The following TARBP1 variants were observed in gnomAD, a reference collection of about 807,000 sequenced individuals.
The protein encoded by TARBP1 is tRNA guanosine 2 -O-methyltransferase TARBP1, also known as tRNA (guanosine(18)-2'-O)-methyltransferase TARBP1.
TARBP1 carries 144 observed loss-of-function variants against 178.6 expected under a neutral mutation model. The observed-to-expected ratio is 0.81, with a 90% confidence interval of 0.70 to 0.93. The LOEUF (loss-of-function observed/expected upper bound fraction) is 0.93. Among genes scored for constraint, TARBP1 ranks in the 40% least tolerant of loss-of-function variants. The probability of loss-of-function intolerance (pLI) is 0.00; values close to 1 mark genes in which losing one functional copy is unlikely to be tolerated. For missense variants in TARBP1, 2,067 were observed against 2,011.7 expected (o/e 1.03, Z -0.53); for synonymous variants, 787 against 781.0 (o/e 1.01, Z -0.13).
chr1:234,478,884 G>A lies in TARBP1; in HGVS notation c.220C>T (p.Arg74Trp), dbSNP rs1669855089. The change falls in exon 1 of 30, where the codon CGG becomes TGG. Residue 74 changes from arginine to tryptophan, a missense_variant. By Grantham distance (101) the Arg-to-Trp change is moderately radical. Transcript: ENST00000040877. ...VAAGYLVPLL[R>W]SLRGRPAGGP... ...CCCGCGGGGCGTCCGCGCAGGCTCC[G>A]CAGCAGTGGCACGAGGTACCCTGCA... 1.5e-6 allele frequency: 2 copies of A among 1,350,310 alleles called. No homozygotes were observed. The highest frequency in any genetic ancestry group is 1.9e-6 in the Non-Finnish European group (2 of 1,057,490). 83.6% of individuals were successfully genotyped at this position (1,350,310 alleles called of 1,614,324 possible).
chr1:234,435,279 G>A (rs746536794), intron 13 of TARBP1, among the ~76,000 whole-genome samples: 13 of 152,086 alleles, frequency 8.5e-5, no homozygotes, highest in East Asian at 5.8e-4. Context: ...GTGAAACTCC[G>A]TCTCTACTAA....
chr1:234,471,900 T>C (rs1441886472), intron 2 of TARBP1, among the ~76,000 whole-genome samples: 1 of 152,232 alleles, frequency 6.6e-6, no homozygotes, highest in Non-Finnish European at 1.5e-5. Context: ...CAAGGTTTGG[T>C]GCACATTTGG....
At chr1:234,472,513 T>G (rs543238643) in intron 2 of TARBP1, among the ~76,000 whole-genome samples, 1 of 152,216 alleles carries the variant, frequency 6.6e-6, no homozygotes, top group African/African-American at 2.4e-5. Context: ...TTTTGAATAA[T>G]TTGTCAACTG....
intron 22 of TARBP1, among the ~76,000 whole-genome samples, chr1:234,412,853 C>T (rs1661995291): frequency 6.6e-6 from 1 of 152,112 alleles, no homozygotes; most frequent in African/African-American, 2.4e-5. Context: ...TCAACCAACC[C>T]TCCCTACATA....
intron 17 of TARBP1, among the ~76,000 whole-genome samples, chr1:234,428,474 T>C (rs774479179): frequency 6.6e-6 from 1 of 152,168 alleles, no homozygotes; most frequent in Non-Finnish European, 1.5e-5. Flanking sequence ...ATCAATTACA[T>C]TGTCATGGAA....
intron 3 of TARBP1, among the ~76,000 whole-genome samples, chr1:234,469,046 GTTGCGGTTTTTGCCTTTTTTTTTTTT>G (rs1668758588): frequency 8.7e-6 from 1 of 115,060 alleles, no homozygotes; most frequent in Non-Finnish European, 1.7e-5. Context: ...TGCGAAAGTC[GTTGCGGTTTTTGCCTTTTTTTTTTTT>G]TTTTTAAAAA....
At chr1:234,413,877 A>G (rs1384938021) in intron 22 of TARBP1, among the ~76,000 whole-genome samples, 1 of 152,208 alleles carries the variant, frequency 6.6e-6, no homozygotes, top group Non-Finnish European at 1.5e-5. Flanking sequence ...TCAGGCAGAA[A>G]GATCAGGACC....
At chr1:234,467,244 C>T (rs1668535590) in intron 4 of TARBP1, among the ~76,000 whole-genome samples, 2 of 152,158 alleles carry the variant, frequency 1.3e-5, no homozygotes, top group Non-Finnish European at 2.9e-5. Context: ...CTTATGCTTA[C>T]GATTCTTGAC....
In TARBP1 at chr1:234,392,552, C is replaced by T; in HGVS notation, c.4561G>A (p.Val1521Ile). 1 of 1,613,548 alleles carries T rather than the reference C, an allele frequency of 6.2e-7. No individual in the cohort carries two copies. Among genetic ancestry groups the T allele is most frequent in the East Asian group, 2.2e-5 (1 of 44,868 alleles). ...TAATCAATTAGCTGAGGTGGTTTTACCTGAATATTAGTTTAAAAAGAACAG... is the reference window on the plus strand; with the variant it reads ...TAATCAATTAGCTGAGGTGGTTTTATCTGAATATTAGTTTAAAAAGAACAG... ...SAEQWLPLVE[V>I]KPPQLIDYLQ... Residue 1521 changes from valine to isoleucine, a missense_variant and splice_region_variant, in exon 29 of 30, where the codon GTA (valine) becomes ATA (isoleucine). Transcript: ENST00000040877.
Position 234,422,025 on chromosome 1 carries a change from T to C in TARBP1, c.3445-1213A>G, listed in dbSNP as rs147062410. Among the ~76,000 whole-genome samples, 1,131 of 152,348 alleles carry C rather than the reference T, an allele frequency of 7.4e-3. 23 individuals are homozygous for C. Among genetic ancestry groups the C allele is most frequent in the African/African-American group, 0.026 (1,067 of 41,582 alleles). On this transcript the variant is annotated intron_variant, in intron 20 of 29. Transcript: ENST00000040877. Reference sequence around the variant, plus strand: ...AATCTCATAATCTCTATATAATTTCTGTTAAGAATTTTCTTCTGATATAGG... The same window carrying C: ...AATCTCATAATCTCTATATAATTTCCGTTAAGAATTTTCTTCTGATATAGG...
chr1:234,478,900 G>A lies in TARBP1; in HGVS notation c.204C>T (p.Tyr68=). 1 of 1,401,086 alleles carries A rather than the reference G, an allele frequency of 7.1e-7. No individual in the cohort carries two copies. The highest frequency in any genetic ancestry group is 1.5e-5 in the South Asian group (1 of 66,200). 86.8% of individuals were successfully genotyped at this position (1,401,086 alleles called of 1,614,324 possible). ...GCAGGCTCCGCAGCAGTGGCACGAG[G>A]TACCCTGCAGCCACCTCGCGCGCCG... The part of the protein sequence containing the change: ...PEAAREVAAG[Y]LVPLLRSLRG... Residue 68 remains tyrosine (Y), a synonymous_variant, in exon 1 of 30, where the codon TAC becomes TAT. Transcript: ENST00000040877.
chr1:234,437,454 A>C (rs1281823061), intron 12 of TARBP1, 82 bp from the exon 13 acceptor site: 1 of 633,166 alleles, frequency 1.6e-6, no homozygotes, highest in Admixed American at 2.9e-5. Context: ...GTAAATGTAC[A>C]ACTGGGCTAA....
Position 234,391,683 on chromosome 1 carries a change from G to C in TARBP1, c.4760C>G (p.Pro1587Arg). 6.2e-7 allele frequency: 1 copy of C among 1,613,708 alleles called. No individual in the cohort carries two copies. The highest frequency in any genetic ancestry group is 8.5e-7 in the Non-Finnish European group (1 of 1,179,972). Residue 1587 changes from proline to arginine, a missense_variant, in exon 30 of 30, where the codon CCT becomes CGT. By Grantham distance (103) the Pro-to-Arg change is moderately radical. Transcript: ENST00000040877. ...IQQLDVCVEI[P>R]QQGIIRSLNV... ...CAGGGAGCGGATAATGCCCTGTTGA[G>C]GAATTTCCACACAAACGTCCAACTG...
At chr1:234,397,969 G>A (rs1052882604) in intron 26 of TARBP1, among the ~76,000 whole-genome samples, 2 of 150,360 alleles carry the variant, frequency 1.3e-5, no homozygotes, top group Non-Finnish European at 3.0e-5. Flanking sequence ...AACCAAGAGG[G>A]GACTAGAATC....
chr1:234,466,674 C>A (rs114000069), intron 4 of TARBP1, among the ~76,000 whole-genome samples: 2,176 of 152,050 alleles, frequency 0.014, 54 homozygotes, highest in African/African-American at 0.049. Flanking sequence ...ACCAGCCCAG[C>A]CAAGATGGTG....
intron 12 of TARBP1, among the ~76,000 whole-genome samples, chr1:234,439,082 G>T (rs1425591348): frequency 6.6e-6 from 1 of 152,136 alleles, no homozygotes; most frequent in Non-Finnish European, 1.5e-5. Context: ...GAAACTAAGA[G>T]AACTCACTGC....
At position 234,425,682 on chromosome 1, in the gene TARBP1, T is replaced by G. The variant is rs960618970; in HGVS notation, c.3435A>C (p.Leu1145=). 1.2e-6 allele frequency: 2 copies of G among 1,611,810 alleles called. No individual in the cohort carries two copies. The highest frequency in any genetic ancestry group is 3.4e-5 in the Admixed American group (2 of 59,540). ...KLFIEDLAIK[L]LDKDELVSKS... is the part of the protein sequence containing the mutation. ...AGTAAAATACACTTACTTTATCTAA[T>G]AGCTTGATTGCAAGATCCTCAATAA... Residue 1145 remains leucine, a synonymous_variant, in exon 20 of 30, where the codon CTA becomes CTC. Coordinates refer to ENST00000040877, the MANE Select transcript of TARBP1 (RefSeq NM_005646.4).
At position 234,393,747 on chromosome 1, in the gene TARBP1, T is replaced by A; in HGVS notation, c.4334A>T (p.Asp1445Val). ...IPWNSRVSDL[D>V]LELLFQDRAA... ...ACGATCCTGAAACAGGAGCTCCAGG[T>A]CTAAGTCGGAAACACGACTGTTCCA... is the stretch of plus-strand genomic sequence containing the variant. The change falls in exon 27 of 30, where the codon GAC (aspartate) becomes GTC (valine). Residue 1445 changes from aspartate to valine, a missense_variant. By Grantham distance (152) the Asp-to-Val change is radical. Coordinates refer to ENST00000040877, the MANE Select transcript of TARBP1 (RefSeq NM_005646.4). 6.2e-7 allele frequency: 1 copy of A among 1,614,024 alleles called. No individual in the cohort carries two copies. The highest frequency in any genetic ancestry group is 8.5e-7 in the Non-Finnish European group (1 of 1,180,022).
At chr1:234,421,242 C>A (rs1663055335) in intron 20 of TARBP1, among the ~76,000 whole-genome samples, 1 of 152,234 alleles carries the variant, frequency 6.6e-6, no homozygotes, top group Admixed American at 6.5e-5. Flanking sequence ...GCGCCCGCCA[C>A]CACACCCAGC....
Sources: gnomAD v4.1 joint callset for allele counts (sites outside exome capture counted in the v4.1 genomes callset) on GRCh38, gnomAD v4.1.1 for gene constraint, MANE v1.5 for transcripts, NCBI Gene and HGNC (gene_info 2026-07-23, HGNC 2026-07-21) for gene names.